Variants in RNF180 observed in about 807,000 individuals in gnomAD.
The protein encoded by RNF180 is ring finger protein 180, also known as E3 ubiquitin-protein ligase RNF180.
In RNF180, 38 loss-of-function variants were observed where a neutral mutation model predicts 59.2. That is an observed-to-expected ratio of 0.64 (90% confidence interval 0.50 to 0.84). The LOEUF (loss-of-function observed/expected upper bound fraction) is 0.84. Among genes scored for constraint, RNF180 ranks in the 40% least tolerant of loss-of-function variants. The pLI, the probability that RNF180 is intolerant of heterozygous loss-of-function variation, is 0.00. For synonymous variants in RNF180, 262 were observed against 240.3 expected (o/e 1.09, Z -0.84); for missense variants, 705 against 700.9 (o/e 1.01, Z -0.07).
At chr5:64,304,378 T>G (rs1376200701) in intron 5 of RNF180, among the ~76,000 whole-genome samples, 3 of 151,602 alleles carry the variant, frequency 2.0e-5, no homozygotes, top group Non-Finnish European at 3.0e-5. Context: ...GCAAAGCACA[T>G]GGAAAACCTT....
chr5:64,365,186 A>C (rs938352441), intron 7 of RNF180, among the ~76,000 whole-genome samples: 7 of 151,594 alleles, frequency 4.6e-5, no homozygotes, highest in Non-Finnish European at 8.9e-5. Context: ...GTGGGTGTTT[A>C]GTGCTGTAAG....
At chr5:64,250,562 A>G (rs1326748086) in intron 5 of RNF180, among the ~76,000 whole-genome samples, 1 of 152,166 alleles carries the variant, frequency 6.6e-6, no homozygotes, top group Non-Finnish European at 1.5e-5. Flanking sequence ...AAATTTAATC[A>G]GAAATGAAAA....
intron 5 of RNF180, among the ~76,000 whole-genome samples, chr5:64,261,408 C>T (rs1189424755): frequency 1.3e-5 from 2 of 152,116 alleles, no homozygotes; most frequent in Non-Finnish European, 2.9e-5. Flanking sequence ...CTTAGCCTTG[C>T]TTTGATAAAG....
chr5:64,327,131 T>C (rs1744681952), intron 6 of RNF180, among the ~76,000 whole-genome samples: 1 of 152,154 alleles, frequency 6.6e-6, no homozygotes, highest in Non-Finnish European at 1.5e-5. Flanking sequence ...CCTTTGTATT[T>C]GGTATGTGTT....
chr5:64,358,891 T>A (rs923368639), intron 7 of RNF180, among the ~76,000 whole-genome samples: 5 of 151,252 alleles, frequency 3.3e-5, no homozygotes, highest in Non-Finnish European at 4.4e-5. Context: ...GGTGTCTGGT[T>A]TTTTGTTCTT....
intron 5 of RNF180, among the ~76,000 whole-genome samples, chr5:64,250,288 G>C (rs1015736916): frequency 6.6e-6 from 1 of 152,022 alleles, no homozygotes; most frequent in Non-Finnish European, 1.5e-5. Flanking sequence ...CATTATAAGA[G>C]GGAAGTTTGT....
At chr5:64,221,052 A>C (rs1464838323) in intron 5 of RNF180, among the ~76,000 whole-genome samples, 1 of 152,086 alleles carries the variant, frequency 6.6e-6, no homozygotes, top group African/African-American at 2.4e-5. Context: ...ATGGATCTGC[A>C]TATAGAGATC....
chr5:64,175,734 G>T (rs1339107489), intron 1 of RNF180, among the ~76,000 whole-genome samples: 1 of 152,040 alleles, frequency 6.6e-6, no homozygotes, highest in East Asian at 1.9e-4. Context: ...TCTAATCCAT[G>T]AACACAGAAT....
At position 64,234,578 on chromosome 5, in the gene RNF180, C is replaced by CTTTTTTTTTTTTTTTTTTTT. The variant is rs1171637074; in HGVS notation, c.1227+17202_1227+17221dup. Among the ~76,000 whole-genome samples the CTTTTTTTTTTTTTTTTTTTT allele has an allele frequency of 1.2e-4, 6 of 48,500 alleles. 2 individuals are homozygous for CTTTTTTTTTTTTTTTTTTTT. Among genetic ancestry groups the CTTTTTTTTTTTTTTTTTTTT allele is most frequent in the Admixed American group, 3.0e-4 (1 of 3,310 alleles). The allele number at this position is 48,500 out of a possible 152,430, so 31.8% of individuals were successfully genotyped here. ...GCTTTCCAAATGGCAGTTACCCGTT[C>CTTTTTTTTTTTTTTTTTTTT]TTTTTTTTTTTTTTTTTTTTTTTTT... On this transcript the variant is annotated intron_variant, in intron 5 of 7. Transcript: ENST00000389100.
At chr5:64,195,973 A>G (rs1240662332) in intron 1 of RNF180, among the ~76,000 whole-genome samples, 1 of 152,216 alleles carries the variant, frequency 6.6e-6, no homozygotes, top group Non-Finnish European at 1.5e-5. Flanking sequence ...CCGCACAGAT[A>G]TGGGGAGAGC....
chr5:64,314,050 C>G (rs985879873), intron 5 of RNF180, among the ~76,000 whole-genome samples: 1 of 151,978 alleles, frequency 6.6e-6, no homozygotes, highest in South Asian at 2.1e-4. Flanking sequence ...CATATTAAAC[C>G]TTTGCTGGAT....
intron 5 of RNF180, among the ~76,000 whole-genome samples, chr5:64,235,792 A>G (rs192025828): frequency 1.3e-5 from 2 of 152,220 alleles, no homozygotes; most frequent in African/African-American, 4.8e-5. Flanking sequence ...CTGGTTGTTT[A>G]ATGTGTCTGG....
At chr5:64,299,292 G>T (rs917060387) in intron 5 of RNF180, among the ~76,000 whole-genome samples, 1 of 151,830 alleles carries the variant, frequency 6.6e-6, no homozygotes, top group South Asian at 2.1e-4. Flanking sequence ...AGTCTGAGTA[G>T]ATTAATTTTT....
At chr5:64,185,630 A>T (rs749525495) in intron 1 of RNF180, among the ~76,000 whole-genome samples, 6 of 152,186 alleles carry the variant, frequency 3.9e-5, no homozygotes, top group African/African-American at 7.2e-5. Context: ...ATATGTTTGG[A>T]TTTCCTTTCA....
At chr5:64,174,780 A>G (rs1031229536) in intron 1 of RNF180, among the ~76,000 whole-genome samples, 6 of 152,002 alleles carry the variant, frequency 3.9e-5, no homozygotes, top group African/African-American at 1.5e-4. Flanking sequence ...TGGTGTGCAG[A>G]AACTTTTTAG....
chr5:64,255,441 C>T (rs1477815021), intron 5 of RNF180, among the ~76,000 whole-genome samples: 1 of 152,130 alleles, frequency 6.6e-6, no homozygotes, highest in African/African-American at 2.4e-5. Flanking sequence ...TGAGTGAGAA[C>T]ATGTGGTGTA....
At position 64,325,376 on chromosome 5, in the gene RNF180, G is replaced by A; in HGVS notation, c.1418G>A (p.Cys473Tyr). The A allele has an allele frequency of 2.6e-6, 4 of 1,551,518 alleles. No homozygotes were observed. Among genetic ancestry groups the A allele is most frequent in the Non-Finnish European group, 3.5e-6 (4 of 1,146,842 alleles). ...DNPSSTPCPL[C>Y]RTIISRVFFQ... Reference sequence around the variant, plus strand: ...CCTTCAAGCACTCCATGCCCATTGTGTCGGACAATTATTTCTAGAGTCTTT... The same window carrying A: ...CCTTCAAGCACTCCATGCCCATTGTATCGGACAATTATTTCTAGAGTCTTT... The change falls in exon 6 of 8, where the codon TGT (cysteine) becomes TAT (tyrosine). Residue 473 changes from cysteine (C) to tyrosine (Y), a missense_variant. Physicochemically the swap from Cys to Tyr is radical, Grantham distance 194. Coordinates refer to ENST00000389100, the MANE Select transcript of RNF180 (RefSeq NM_001113561.2).
Position 64,214,450 on chromosome 5 carries a change from G to A in RNF180, c.1124G>A (p.Arg375Lys), listed in dbSNP as rs1376918638. The A allele has an allele frequency of 5.6e-6, 9 of 1,613,844 alleles. No homozygotes were observed. The highest frequency in any genetic ancestry group is 1.1e-5 in the South Asian group (1 of 91,082). Reference protein sequence around the residue: ...LGSINQRLNKRERSKLKNLRR... With the variant: ...LGSINQRLNKKERSKLKNLRR... ...AGCATTAATCAGAGGCTTAATAAGA[G>A]AGAAAGGAGCAAGTTGAAGAATCTA... Residue 375 changes from arginine (R) to lysine (K), a missense_variant, in exon 4 of 8, where the codon AGA becomes AAA. Coordinates refer to ENST00000389100, the MANE Select transcript of RNF180 (RefSeq NM_001113561.2).
At chr5:64,356,100 A>C (rs1746012325) in intron 7 of RNF180, among the ~76,000 whole-genome samples, 1 of 151,760 alleles carries the variant, frequency 6.6e-6, no homozygotes, top group South Asian at 2.1e-4. Flanking sequence ...TAAAAAAAAA[A>C]CAAATTGTAA....
Sources: gnomAD v4.1 joint callset for allele counts (sites outside exome capture counted in the v4.1 genomes callset) on GRCh38, gnomAD v4.1.1 for gene constraint, MANE v1.5 for transcripts, NCBI Gene and HGNC (gene_info 2026-07-23, HGNC 2026-07-21) for gene names.